Variants in ZIK1 observed in about 807,000 individuals in gnomAD.
ZIK1 encodes the protein zinc finger protein interacting with K protein 1.
A neutral mutation model predicts 10.7 loss-of-function variants in ZIK1; 12 were observed. The ratio of observed to expected loss-of-function variants is 1.12; its 90% CI spans 0.72 to 1.81. The LOEUF (loss-of-function observed/expected upper bound fraction) is 1.81, where lower values mean the gene tolerates loss of function less well. ZIK1 is among the 40% of genes most tolerant of loss of function. The pLI is 0.00. For synonymous variants in ZIK1, 190 were observed against 205.0 expected, an observed-to-expected ratio of 0.93 and a Z score of 0.63; for missense variants, 497 against 585.7, an observed-to-expected ratio of 0.85 and a Z score of 1.56.
In ZIK1 at chr19:57,584,299, C is replaced by G. The variant is rs925523346; in HGVS notation, c.-58C>G. ...GGCGGCGGCGGGGTTGACGGCTTTG[C>G]CTAGGTCCCTCCGCCCGTAGCTGTC... On this transcript the variant is annotated 5_prime_UTR_variant, in exon 1 of 4. Transcript: ENST00000597850. The G allele has an allele frequency of 6.5e-7, 1 of 1,548,172 alleles. No homozygotes were observed.
chr19:57,587,069 T>C (rs1979225665), intron 2 of ZIK1, among the ~76,000 whole-genome samples: 1 of 152,144 alleles, frequency 6.6e-6, no homozygotes, highest in South Asian at 2.1e-4. Flanking sequence ...GAGAACTTGT[T>C]CAGGGGAACT....
chr19:57,590,586 A>G lies in ZIK1; in HGVS notation c.775A>G (p.Arg259Gly). The G allele has an allele frequency of 6.2e-7, 1 of 1,614,266 alleles. No homozygotes were observed. The highest frequency in any genetic ancestry group is 8.5e-7 in the Non-Finnish European group (1 of 1,180,042). Residue 259 changes from arginine (R) to glycine (G), a missense_variant, in exon 4 of 4, where the codon AGA (arginine) becomes GGA (glycine). By Grantham distance (125) the Arg-to-Gly change is moderately radical. Transcript: ENST00000597850. ...RGKYSLVQHQ[R>G]VHTGERPWEC... ...CAAGTACTCACTTGTTCAGCACCAGAGAGTCCATACTGGAGAAAGGCCTTG... is the reference window on the plus strand; with the variant it reads ...CAAGTACTCACTTGTTCAGCACCAGGGAGTCCATACTGGAGAAAGGCCTTG...
At chr19:57,588,769 G>T in intron 3 of ZIK1, 104 bp downstream of exon 3, 1 of 1,237,776 alleles carries the variant, frequency 8.1e-7, no homozygotes. Flanking sequence ...ACTGTGCACT[G>T]CCTGAGTAGC....
rs764433030 is a variant in ZIK1 at position 57,590,457 on chromosome 19, T to C, written c.646T>C (p.Cys216Arg). The C allele has an allele frequency of 1.2e-6, 2 of 1,614,004 alleles. No individual in the cohort carries two copies. Among genetic ancestry groups the C allele is most frequent in the East Asian group, 2.2e-5 (1 of 44,878 alleles). Reference sequence around the variant, plus strand: ...AAAAAGTCATTACAAGTCAGGTGAATGTGGGAAGGCTTCCAGGCACAAACA... The same window carrying C: ...AAAAAGTCATTACAAGTCAGGTGAACGTGGGAAGGCTTCCAGGCACAAACA... ...SQKSHYKSGE[C>R]GKASRHKHTP... is the part of the protein sequence containing the mutation. Residue 216 changes from cysteine to arginine, a missense_variant, in exon 4 of 4, where the codon TGT becomes CGT. Physicochemically the swap from Cys to Arg is radical, Grantham distance 180. Transcript: ENST00000597850.
chr19:57,589,523 A>G (rs958614093), intron 3 of ZIK1: 23 of 985,252 alleles, frequency 2.3e-5, no homozygotes, highest in Non-Finnish European at 2.8e-5. Context: ...TCCCTCTGCA[A>G]TGTTTTCCAA....
intron 3 of ZIK1, among the ~76,000 whole-genome samples, chr19:57,589,065 T>C (rs1214539035): frequency 6.6e-6 from 1 of 151,820 alleles, no homozygotes; most frequent in Non-Finnish European, 1.5e-5. Context: ...CTCCTTCTAG[T>C]TTGTTTGTTT....
intron 2 of ZIK1, among the ~76,000 whole-genome samples, chr19:57,586,538 G>A (rs1979174076): frequency 6.6e-6 from 1 of 152,152 alleles, no homozygotes; most frequent in Admixed American, 6.5e-5. Flanking sequence ...ACTCCAGCCT[G>A]GGTGACAGAG....
chr19:57,589,266 A>G (rs1173974750), intron 3 of ZIK1: 1 of 985,278 alleles, frequency 1.0e-6, no homozygotes, highest in African/African-American at 1.7e-5. Flanking sequence ...ATGGTCTCAG[A>G]GAAGGCCTGG....
At chr19:57,584,915 T>C (rs1438330885) in intron 1 of ZIK1, 37 bp from the exon 2 acceptor site, 2 of 1,611,872 alleles carry the variant, frequency 1.2e-6, no homozygotes, top group Non-Finnish European at 1.7e-6. Context: ...GAGCCCTGTA[T>C]GGTCACCTGC....
At chr19:57,588,724 T>C (rs45569842) in intron 3 of ZIK1, 59 bp downstream of exon 3, 128,083 of 1,373,958 alleles carry the variant, frequency 0.093, 6,694 homozygotes, top group African/African-American at 0.18. Flanking sequence ...TGCTGACTTC[T>C]CCACTTTCTT....
chr19:57,589,875 C>T (rs191944691), intron 3 of ZIK1, 136 bp from the exon 4 acceptor site: 2 of 1,178,676 alleles, frequency 1.7e-6, no homozygotes, highest in Admixed American at 2.8e-5. Flanking sequence ...TGCAAAGCAA[C>T]CCCTTCCTCA....
In ZIK1 at chr19:57,584,338, G is replaced by T. The variant is rs780519869; in HGVS notation, c.-19G>T. ...CCCGTAGCTGTCGGGTCCCGGCCCC[G>T]CTCTGCCCACAGACTCCGATGGCTG... On this transcript the variant is annotated 5_prime_UTR_variant, in exon 1 of 4. Coordinates refer to ENST00000597850, the MANE Select transcript of ZIK1 (RefSeq NM_001010879.4). The T allele has an allele frequency of 2.5e-6, 4 of 1,588,684 alleles. No individual in the cohort carries two copies. The highest frequency in any genetic ancestry group is 1.7e-5 in the Admixed American group (1 of 57,310).
chr19:57,589,785 A>T, intron 3 of ZIK1: 1 of 816,362 alleles, frequency 1.2e-6, no homozygotes. Context: ...AGGCAATGCC[A>T]TTCCCTGTCC....
At position 57,593,076 on chromosome 19, in the gene ZIK1, C is replaced by T. The variant is rs1285010022; in HGVS notation, c.*1801C>T. 16 of 148,708 alleles carry T rather than the reference C, an allele frequency of 1.1e-4. No individual in the cohort carries two copies. The highest frequency in any genetic ancestry group is 4.0e-4 in the African/African-American group (16 of 39,978). 9.2% of individuals were successfully genotyped at this position (148,708 alleles called of 1,614,324 possible). A position where few individuals can be genotyped will look rare whatever the true frequency, so the allele number is the denominator to read the frequency against. On this transcript the variant is annotated 3_prime_UTR_variant, in exon 4 of 4. Coordinates refer to ENST00000597850, the MANE Select transcript of ZIK1 (RefSeq NM_001010879.4). Reference sequence around the variant, plus strand: ...TTTTTTTTTTTTTGAGATGGAGTCTCAGTCTGTCACCAGGCTGGAGTGCAG... The same window carrying T: ...TTTTTTTTTTTTTGAGATGGAGTCTTAGTCTGTCACCAGGCTGGAGTGCAG...
intron 2 of ZIK1, among the ~76,000 whole-genome samples, chr19:57,587,398 AGT>A (rs1000161227): frequency 1.3e-5 from 2 of 152,156 alleles, no homozygotes; most frequent in Non-Finnish European, 2.9e-5. Context: ...GCCTAATTCC[AGT>A]GTGATGGTAT....
chr19:57,589,466 AC>A, intron 3 of ZIK1: 1 of 985,190 alleles, frequency 1.0e-6, no homozygotes, highest in Non-Finnish European at 1.2e-6. Context: ...GCACCTGGCT[AC>A]CTCCACCTTT....
At chr19:57,589,137 G>C (rs560673905) in intron 3 of ZIK1, 1 of 325,782 alleles carries the variant, frequency 3.1e-6, no homozygotes, top group African/African-American at 2.2e-5. Flanking sequence ...GAGTCGTTCT[G>C]CATCAGTGCT....
At position 57,592,692 on chromosome 19, in the gene ZIK1, A is replaced by T. The variant is rs1979802188; in HGVS notation, c.*1417A>T. 1.3e-5 allele frequency: 2 copies of T among 152,156 alleles called. No individual in the cohort carries two copies. The highest frequency in any genetic ancestry group is 1.3e-4 in the Admixed American group (2 of 15,266). The allele number at this position is 152,156 out of a possible 1,614,324, so 9.4% of individuals were successfully genotyped here. A position where few individuals can be genotyped will look rare whatever the true frequency, so the allele number is the denominator to read the frequency against. Reference sequence around the variant, plus strand: ...TGCCCTTCCCCAGGCCTGAAGAGAGAGTGCAGTCAACATGAGATTGCTAGG... The same window carrying T: ...TGCCCTTCCCCAGGCCTGAAGAGAGTGTGCAGTCAACATGAGATTGCTAGG... On this transcript the variant is annotated 3_prime_UTR_variant, in exon 4 of 4. Transcript: ENST00000597850.
intron 1 of ZIK1, 49 bp downstream of exon 1, chr19:57,584,438 C>T: frequency 6.3e-7 from 1 of 1,590,616 alleles, no homozygotes; most frequent in Non-Finnish European, 8.6e-7. Flanking sequence ...AAATTAGTGC[C>T]TTCTTGGGTC....
Sources: gnomAD v4.1 joint callset for allele counts (sites outside exome capture counted in the v4.1 genomes callset) on GRCh38, gnomAD v4.1.1 for gene constraint, MANE v1.5 for transcripts, NCBI Gene and HGNC (gene_info 2026-07-23, HGNC 2026-07-21) for gene names.